The following JARID2 variants were observed in gnomAD, a reference collection of about 807,000 sequenced individuals.
The protein encoded by JARID2 is jumonji and AT-rich interaction domain containing 2, also known as protein Jumonji.
JARID2 carries 21 observed loss-of-function variants against 125.6 expected under a neutral mutation model. The observed-to-expected ratio is 0.17, with a 90% CI of 0.12 to 0.24. JARID2 has a LOEUF of 0.24. Ranked by LOEUF, JARID2 falls within the 10% of genes least tolerant of loss-of-function variation. The pLI is 1.00. For synonymous variants in JARID2, 736 were observed against 661.6 expected (o/e 1.11, Z -1.73); for missense variants, 1,303 against 1,639.6 (o/e 0.79, Z 3.55).
rs550292988 is a variant in JARID2 at position 15,504,245 on chromosome 6, G to A, written c.2449-255G>A. On this transcript the variant is annotated intron_variant, in intron 8 of 17. Coordinates refer to ENST00000341776, the MANE Select transcript of JARID2 (RefSeq NM_004973.4). ...GTGCGTCCGCTCAGGGCCTCTGGGC[G>A]GCAGCCTCTGTTCCTGGCAGAACAA... is the stretch of plus-strand genomic sequence containing the variant. Among the ~76,000 whole-genome samples, 10 of 152,364 alleles carry A rather than the reference G, an allele frequency of 6.6e-5. No homozygotes were observed. The East Asian group carries it at 9.6e-4, about 15-fold the overall frequency.
intron 2 of JARID2, among the ~76,000 whole-genome samples, chr6:15,404,654 CAG>C (rs1765578764): frequency 6.6e-6 from 1 of 151,980 alleles, no homozygotes; most frequent in African/African-American, 2.4e-5. Flanking sequence ...CTCACAGTGA[CAG>C]GGTGACAGAC....
At chr6:15,506,977 T>A (rs1771034735) in intron 9 of JARID2, among the ~76,000 whole-genome samples, 159 bp from the exon 10 acceptor site, 1 of 152,228 alleles carries the variant, frequency 6.6e-6, no homozygotes. Context: ...TGTCATTGCT[T>A]TCTGCATTAG....
chr6:15,285,259 T>A (rs1212860179), intron 1 of JARID2, among the ~76,000 whole-genome samples: 1 of 151,876 alleles, frequency 6.6e-6, no homozygotes, highest in Non-Finnish European at 1.5e-5. Context: ...TACAGGCACC[T>A]GCCACCACGC....
At chr6:15,392,748 G>A (rs763081592) in intron 2 of JARID2, among the ~76,000 whole-genome samples, 2 of 148,972 alleles carry the variant, frequency 1.3e-5, no homozygotes, top group Non-Finnish European at 3.0e-5. Flanking sequence ...GTAGTGGTGC[G>A]GTCTTCGCTC....
intron 5 of JARID2, among the ~76,000 whole-genome samples, chr6:15,476,108 C>A (rs972313348): frequency 3.9e-5 from 6 of 152,206 alleles, no homozygotes; most frequent in African/African-American, 1.4e-4. Flanking sequence ...GTATCCTCCC[C>A]AGAGGGATCA....
chr6:15,254,016 GGACT>G (rs1373446128), intron 1 of JARID2, among the ~76,000 whole-genome samples: 1 of 152,204 alleles, frequency 6.6e-6, no homozygotes, highest in East Asian at 1.9e-4. Context: ...GTTGTAAAAG[GGACT>G]GTTGGCAGCC....
chr6:15,404,296 T>G (rs951925454), intron 2 of JARID2, among the ~76,000 whole-genome samples: 1 of 152,198 alleles, frequency 6.6e-6, no homozygotes, highest in East Asian at 1.9e-4. Context: ...TCCATGTTCA[T>G]ATTGACCATG....
At chr6:15,316,460 A>G (rs892761135) in intron 1 of JARID2, among the ~76,000 whole-genome samples, 1 of 152,108 alleles carries the variant, frequency 6.6e-6, no homozygotes, top group Admixed American at 6.5e-5. Flanking sequence ...TTATGTCTTT[A>G]ATCATTGTGA....
At chr6:15,454,535 T>TG (rs1156869301) in intron 4 of JARID2, among the ~76,000 whole-genome samples, 1 of 152,132 alleles carries the variant, frequency 6.6e-6, no homozygotes, top group Non-Finnish European at 1.5e-5. Flanking sequence ...TGGAGTGCAG[T>TG]GGCACAGTCA....
rs189935942 is a variant in JARID2, at chr6:15,513,467, G to A, written c.3450+45G>A. 3.4e-5 allele frequency: 52 copies of A among 1,538,060 alleles called. No individual in the cohort carries two copies. In the East Asian group the frequency reaches 1.1e-3, roughly 34 times the overall value. On this transcript the variant is annotated intron_variant, in intron 16 of 17. Coordinates refer to ENST00000341776, the MANE Select transcript of JARID2 (RefSeq NM_004973.4). ...CCGGCGCCCTCGCATGTAGTGCTTG[G>A]CCTGAGAGCTCCGGGGTTGCCCCCA...
At chr6:15,247,533 CTTT>C (rs67284836) in intron 1 of JARID2, 8 of 809,622 alleles carry the variant, frequency 9.9e-6, no homozygotes, top group Middle Eastern at 6.4e-4. Context: ...TTAAATAACT[CTTT>C]TTTTTTTTCA....
intron 1 of JARID2, among the ~76,000 whole-genome samples, chr6:15,283,011 C>G (rs968832959): frequency 1.3e-5 from 2 of 151,862 alleles, no homozygotes; most frequent in African/African-American, 4.8e-5. Flanking sequence ...CGGAGTCTCA[C>G]TCTGTTGCCC....
intron 1 of JARID2, among the ~76,000 whole-genome samples, chr6:15,346,676 A>G (rs932579442): frequency 1.2e-4 from 18 of 151,232 alleles, no homozygotes; most frequent in Non-Finnish European, 2.2e-4. Flanking sequence ...TGCTCTAACA[A>G]CGTCTGGATG....
chr6:15,319,076 G>A (rs1382357530), intron 1 of JARID2, among the ~76,000 whole-genome samples: 3 of 152,224 alleles, frequency 2.0e-5, no homozygotes, highest in Admixed American at 1.3e-4. Context: ...TATTTACATA[G>A]AAAGTAAGTA....
chr6:15,481,142 AAAT>A (rs1390804010), intron 5 of JARID2, among the ~76,000 whole-genome samples: 1 of 152,258 alleles, frequency 6.6e-6, no homozygotes, highest in African/African-American at 2.4e-5. Context: ...CCCTAAATCA[AAAT>A]AATAGCCTTT....
At chr6:15,503,684 A>T (rs1395129839) in intron 8 of JARID2, among the ~76,000 whole-genome samples, 1 of 152,204 alleles carries the variant, frequency 6.6e-6, no homozygotes, top group Non-Finnish European at 1.5e-5. Context: ...TTGACCTAGT[A>T]CACCATAGGT....
chr6:15,299,517 GA>G (rs1184463519), intron 1 of JARID2, among the ~76,000 whole-genome samples: 1 of 152,190 alleles, frequency 6.6e-6, no homozygotes, highest in Non-Finnish European at 1.5e-5. Flanking sequence ...CTGTAGGAAG[GA>G]ATTTATAGTT....
At position 15,377,691 on chromosome 6, in the gene JARID2, T is replaced by G. The variant is rs181661733; in HGVS notation, c.181+3439T>G. Among the ~76,000 whole-genome samples the G allele has an allele frequency of 2.4e-3, 362 of 151,638 alleles. 2 individuals are homozygous for G. The highest frequency in any genetic ancestry group is 8.2e-3 in the African/African-American group (340 of 41,374). ...ATAATAATAAATTAGCCAGGCATGG[T>G]GGCACTTTTTTTTTTTATCTTTAGT... On this transcript the variant is annotated intron_variant, in intron 2 of 17. Coordinates refer to ENST00000341776, the MANE Select transcript of JARID2 (RefSeq NM_004973.4).
chr6:15,259,500 C>T (rs1241812476), intron 1 of JARID2, among the ~76,000 whole-genome samples: 2 of 152,202 alleles, frequency 1.3e-5, no homozygotes, highest in Non-Finnish European at 2.9e-5. Flanking sequence ...GGACCCTATA[C>T]ACAATGCCAC....
Sources: gnomAD v4.1 joint callset for allele counts (sites outside exome capture counted in the v4.1 genomes callset) on GRCh38, gnomAD v4.1.1 for gene constraint, MANE v1.5 for transcripts, NCBI Gene and HGNC (gene_info 2026-07-23, HGNC 2026-07-21) for gene names.